Variants in NFIX observed in about 807,000 individuals in gnomAD.
NFIX encodes the protein nuclear factor I X.
NFIX carries 2 observed loss-of-function variants against 53.3 expected under a neutral mutation model. That is an observed-to-expected ratio of 0.04 (90% CI 0.02 to 0.12). The LOEUF is 0.12. Ranked by LOEUF, NFIX falls within the 10% of genes least tolerant of loss-of-function variation. The pLI is 1.00. For synonymous variants in NFIX, 244 were observed against 289.0 expected (o/e 0.84, Z 1.58); for missense variants, 310 against 674.5 (o/e 0.46, Z 5.99).
Position 13,005,346 on chromosome 19 carries a change from T to C in NFIX, c.27+9482T>C. Reference sequence around the variant, plus strand: ...CCTTGCTAAGTGCCTTCCCAGCTTGTCTTCTTGAATCCTGTGTTCAGCAGG... The same window carrying C: ...CCTTGCTAAGTGCCTTCCCAGCTTGCCTTCTTGAATCCTGTGTTCAGCAGG... On this transcript the variant is annotated intron_variant, in intron 1 of 10. Transcript: ENST00000592199. This position sits in a 1 kb window ranked among gnomAD's most constrained non-coding sequence, Gnocchi z 4.7. 6.6e-6 allele frequency among the ~76,000 whole-genome samples: 1 copy of C among 152,254 alleles called. No homozygotes were observed. The highest frequency in any genetic ancestry group is 1.9e-4 in the East Asian group (1 of 5,198).
rs1170307356 is a variant in NFIX, at chr19:13,027,847, C to T, written c.559+2295C>T. ...CTGGGCTGGGGCTGAGGCCGAGTCT[C>T]CTCTACAAAAGCAGAGTAGGGAACT... On this transcript the variant is annotated intron_variant, in intron 2 of 10. Transcript: ENST00000592199. The surrounding 1 kb of genome is among the most constrained non-coding windows in gnomAD (Gnocchi z 4.3). Among the ~76,000 whole-genome samples, 2 of 152,230 alleles carry T rather than the reference C, an allele frequency of 1.3e-5. No individual in the cohort carries two copies. Among genetic ancestry groups the T allele is most frequent in the Non-Finnish European group, 2.9e-5 (2 of 68,026 alleles).
At chr19:13,024,478 G>A (rs1262711306) in intron 1 of NFIX, 2 of 1,477,444 alleles carry the variant, frequency 1.4e-6, no homozygotes, top group Admixed American at 4.5e-5. Flanking sequence ...CTTGCTCGTG[G>A]ATGTCATTTT....
chr19:13,054,781 G>A (rs958810708), intron 2 of NFIX, among the ~76,000 whole-genome samples: 7 of 152,196 alleles, frequency 4.6e-5, no homozygotes, highest in African/African-American at 1.7e-4. Context: ...GGAGGGCGGG[G>A]GTAGGGGGAC....
chr19:13,075,668 G>A lies in NFIX; in HGVS notation c.952G>A (p.Ala318Thr). The A allele has an allele frequency of 6.2e-7, 1 of 1,613,462 alleles. No individual in the cohort carries two copies. Residue 318 changes from alanine (A) to threonine (T), a missense_variant, in exon 6 of 11, where the codon GCA (alanine) becomes ACA (threonine). Coordinates refer to ENST00000592199, the MANE Select transcript of NFIX (RefSeq NM_001365902.3). ...QSSGWPNDVDAGPASLKKSGK... is the reference protein window; with the variant it reads ...QSSGWPNDVDTGPASLKKSGK... The stretch of plus-strand genomic sequence containing the variant: ...CAGCGGGTGGCCCAACGATGTGGAT[G>A]CAGGTATGGGTGCGGGGGATCCTGA...
rs965475998 is a variant in NFIX, at chr19:13,002,490, G to A, written c.27+6626G>A. On this transcript the variant is annotated intron_variant, in intron 1 of 10. Transcript: ENST00000592199. The surrounding 1 kb of genome is among the most constrained non-coding windows in gnomAD (Gnocchi z 6.1). ...GGCCAGGGGGGCACAGGCCTGGCGG[G>A]TGAGGGAACAGGGTGGACAGGGCCT... 3.9e-5 allele frequency among the ~76,000 whole-genome samples: 6 copies of A among 152,180 alleles called. No homozygotes were observed. The highest frequency in any genetic ancestry group is 3.9e-4 in the Admixed American group (6 of 15,302).
At position 13,097,596 on chromosome 19, in the gene NFIX, C is replaced by A. The variant is rs1214011498; in HGVS notation, c.*2947C>A. The A allele has an allele frequency of 6.6e-6, 1 of 152,430 alleles. No individual in the cohort carries two copies. Among genetic ancestry groups the A allele is most frequent in the Non-Finnish European group, 1.5e-5 (1 of 67,978 alleles). The allele number at this position is 152,430 out of a possible 1,614,324, so 9.4% of individuals were successfully genotyped here. On this transcript the variant is annotated 3_prime_UTR_variant, in exon 11 of 11. Coordinates refer to ENST00000592199, the MANE Select transcript of NFIX (RefSeq NM_001365902.3). ...CGGCCGCGGGTCTCCCCGGGCGCCC[C>A]TCCCTGGGGCCCAGCACCCCTCCTC...
chr19:13,018,834 C>T lies in NFIX; in HGVS notation c.28-6187C>T, dbSNP rs150124455. ...GTGGGAGAGCTCAGGGTTACGAAGCCGGCTTCTTTTGGTTCAGACCAAGGC... is the reference window on the plus strand; with the variant it reads ...GTGGGAGAGCTCAGGGTTACGAAGCTGGCTTCTTTTGGTTCAGACCAAGGC... On this transcript the variant is annotated intron_variant, in intron 1 of 10. Coordinates refer to ENST00000592199, the MANE Select transcript of NFIX (RefSeq NM_001365902.3). 2.9e-3 allele frequency among the ~76,000 whole-genome samples: 435 copies of T among 152,308 alleles called. 1 individual carries two copies. The highest frequency in any genetic ancestry group is 0.01 in the African/African-American group (421 of 41,572).
chr19:13,094,906 C>T lies in NFIX; in HGVS notation c.*257C>T, dbSNP rs144975330. On this transcript the variant is annotated 3_prime_UTR_variant, in exon 11 of 11. Coordinates refer to ENST00000592199, the MANE Select transcript of NFIX (RefSeq NM_001365902.3). This position sits in a 1 kb window ranked among gnomAD's most constrained non-coding sequence, Gnocchi z 4.3. ...ACCAGCAGCCAAGCAGAAAGAAACA[C>T]GCGACATGGACTCTGTCAAGTAGAG... 11 of 518,168 alleles carry T rather than the reference C, an allele frequency of 2.1e-5. No homozygotes were observed. Among genetic ancestry groups the T allele is most frequent in the African/African-American group, 1.7e-4 (9 of 52,114 alleles). 32.1% of individuals were successfully genotyped at this position (518,168 alleles called of 1,614,324 possible).
Position 13,078,813 on chromosome 19 carries a change from G to A in NFIX, c.1078+78G>A. On this transcript the variant is annotated intron_variant, in intron 7 of 10. Transcript: ENST00000592199. This position sits in a 1 kb window ranked among gnomAD's most constrained non-coding sequence, Gnocchi z 4.7. ...TAGGGGCAGCTGGCCAGGTGAAGGG[G>A]CCAGAGCTGACCCCGAGTGACAGCC... 1 of 1,482,902 alleles carries A rather than the reference G, an allele frequency of 6.7e-7. No individual in the cohort carries two copies. Among genetic ancestry groups the A allele is most frequent in the Non-Finnish European group, 9.1e-7 (1 of 1,101,706 alleles). 91.9% of individuals were successfully genotyped at this position (1,482,902 alleles called of 1,614,324 possible).
chr19:13,029,598 C>T (rs80180404), intron 2 of NFIX, among the ~76,000 whole-genome samples: 1 of 152,148 alleles, frequency 6.6e-6, no homozygotes, highest in African/African-American at 2.4e-5. Context: ...CTCAGCTGGA[C>T]TCTGCAGGCT....
Position 12,996,402 on chromosome 19 carries a change from C to A in NFIX, c.27+538C>A, listed in dbSNP as rs1568247710. On this transcript the variant is annotated intron_variant, in intron 1 of 10. Coordinates refer to ENST00000592199, the MANE Select transcript of NFIX (RefSeq NM_001365902.3). The surrounding 1 kb of genome is among the most constrained non-coding windows in gnomAD (Gnocchi z 5.2). Reference sequence around the variant, plus strand: ...CGTGCGTGGCGGCGGCCCTTGCGTGCGGCCGGGGTGCCTGGGGTGGGCCGA... The same window carrying A: ...CGTGCGTGGCGGCGGCCCTTGCGTGAGGCCGGGGTGCCTGGGGTGGGCCGA... Among the ~76,000 whole-genome samples, 1 of 151,920 alleles carries A rather than the reference C, an allele frequency of 6.6e-6. No individual in the cohort carries two copies. Among genetic ancestry groups the A allele is most frequent in the Non-Finnish European group, 1.5e-5 (1 of 67,956 alleles).
chr19:13,079,757 C>A (rs1209635949), intron 7 of NFIX, among the ~76,000 whole-genome samples: 1 of 152,218 alleles, frequency 6.6e-6, no homozygotes, highest in Admixed American at 6.5e-5. Flanking sequence ...TTTATGAACT[C>A]CAGAGAGAAG....
Position 13,047,648 on chromosome 19 carries a change from C to T in NFIX, c.559+22096C>T, listed in dbSNP as rs116382129. Among the ~76,000 whole-genome samples the T allele has an allele frequency of 2.7e-3, 407 of 152,282 alleles. 6 individuals carry two copies. Among genetic ancestry groups the T allele is most frequent in the African/African-American group, 9.5e-3 (394 of 41,556 alleles). On this transcript the variant is annotated intron_variant, in intron 2 of 10. Transcript: ENST00000592199. ...CCCAGAACTGTGGGCAGGGTTATTGCTCAGGGTGAGGAGTGTGGAAGCATA... is the reference window on the plus strand; with the variant it reads ...CCCAGAACTGTGGGCAGGGTTATTGTTCAGGGTGAGGAGTGTGGAAGCATA...
rs1291649707 is a variant in NFIX at position 13,001,421 on chromosome 19, C to T, written c.27+5557C>T. Among the ~76,000 whole-genome samples, 1 of 151,736 alleles carries T rather than the reference C, an allele frequency of 6.6e-6. No individual in the cohort carries two copies. Among genetic ancestry groups the T allele is most frequent in the African/African-American group, 2.4e-5 (1 of 41,264 alleles). ...GGGGGTCGGGGAGCGTGCCACCATG[C>T]GTGTCAGTGTGCCGGATGTAGTCTC... On this transcript the variant is annotated intron_variant, in intron 1 of 10. Transcript: ENST00000592199. The surrounding 1 kb of genome is among the most constrained non-coding windows in gnomAD (Gnocchi z 6.5).
At chr19:13,056,534 G>A (rs1380907161) in intron 2 of NFIX, among the ~76,000 whole-genome samples, 1 of 152,172 alleles carries the variant, frequency 6.6e-6, no homozygotes, top group Non-Finnish European at 1.5e-5. Context: ...CAAAGATCCT[G>A]CGTGGAGTCC....
intron 2 of NFIX, among the ~76,000 whole-genome samples, chr19:13,041,330 T>G (rs906261903): frequency 5.9e-5 from 9 of 152,172 alleles, no homozygotes; most frequent in Non-Finnish European, 8.8e-5. Context: ...TACTGTACAT[T>G]CATAATAAAA....
In NFIX at chr19:13,025,804, A is replaced by G. The variant is rs369048044; in HGVS notation, c.559+252A>G. Among the ~76,000 whole-genome samples the G allele has an allele frequency of 5.3e-5, 8 of 152,208 alleles. No homozygotes were observed. The East Asian group carries it at 7.7e-4, about 15-fold the overall frequency. ...CGACTTTGTGCATCTCCATCTTTGG[A>G]GGACTTATCTGATCAGAAAGATGCT... On this transcript the variant is annotated intron_variant, in intron 2 of 10. Transcript: ENST00000592199. This position sits in a 1 kb window ranked among gnomAD's most constrained non-coding sequence, Gnocchi z 7.5.
intron 2 of NFIX, among the ~76,000 whole-genome samples, chr19:13,050,001 A>G (rs1380497650): frequency 6.6e-6 from 1 of 152,226 alleles, no homozygotes; most frequent in Non-Finnish European, 1.5e-5. Flanking sequence ...TGGTGTGAGT[A>G]ATGTTGCAGT....
Position 13,088,376 on chromosome 19 carries a change from G to A in NFIX, c.1402+240G>A, listed in dbSNP as rs887309516. ...CTCCCAGCCGGGGCCCCTGGCCCAG[G>A]CCCCTCTGGGGGGCGGGAGGGAGAG... On this transcript the variant is annotated intron_variant, in intron 9 of 10. Transcript: ENST00000592199. The surrounding 1 kb of genome is among the most constrained non-coding windows in gnomAD (Gnocchi z 5.9). 6.6e-6 allele frequency among the ~76,000 whole-genome samples: 1 copy of A among 152,034 alleles called. No homozygotes were observed. Among genetic ancestry groups the A allele is most frequent in the African/African-American group, 2.4e-5 (1 of 41,408 alleles).
Sources: allele counts gnomAD v4.1 joint callset (sites outside exome capture counted in the v4.1 genomes callset), GRCh38; gene constraint gnomAD v4.1.1; non-coding constraint Gnocchi (gnomAD v3.1); transcripts MANE v1.5; gene names NCBI Gene and HGNC (gene_info 2026-07-23, HGNC 2026-07-21).